NCOR2: variants seen among roughly 807,000 people sequenced by gnomAD.
NCOR2 encodes CTG repeat protein 26.
Under a neutral mutation model 262.9 loss-of-function variants are expected in NCOR2, and 81 were observed. The ratio of observed to expected loss-of-function variants is 0.31; its 90% CI spans 0.26 to 0.37. NCOR2 has a LOEUF of 0.37. NCOR2 is among the 10% of genes least tolerant of loss of function. The pLI, the probability that NCOR2 is intolerant of heterozygous loss-of-function variation, is 1.00. For missense variants in NCOR2, 3,385 were observed against 3,621.4 expected, an observed-to-expected ratio of 0.93 and a Z score of 1.68; for synonymous variants, 1,659 against 1,559.3, an observed-to-expected ratio of 1.06 and a Z score of -1.51.
At chr12:124,499,003 C>T (rs1471729752), upstream of NCOR2, among the ~76,000 whole-genome samples, 1 of 152,202 alleles carries the variant, frequency 6.6e-6, no homozygotes, top group East Asian at 1.9e-4. Flanking sequence ...ATGAGGCCTG[C>T]TAATGGTTAC....
intron 1 of NCOR2, among the ~76,000 whole-genome samples, chr12:124,489,877 C>T (rs966546007): frequency 6.6e-6 from 1 of 152,028 alleles, no homozygotes; most frequent in Non-Finnish European, 1.5e-5. Context: ...AGTTCCTTTG[C>T]GGGAGAGGAG....
chr12:124,482,413 G>A lies in NCOR2; in HGVS notation c.411+1183C>T, dbSNP rs1191755543. 1.2e-4 allele frequency among the ~76,000 whole-genome samples: 18 copies of A among 152,154 alleles called. No individual in the cohort carries two copies. Among genetic ancestry groups the A allele is most frequent in the East Asian group, 1.9e-4 (1 of 5,178 alleles). On this transcript the variant is annotated intron_variant, in intron 3 of 46. Coordinates refer to ENST00000405201, the Ensembl canonical transcript of NCOR2. This position sits in a 1 kb window ranked among gnomAD's most constrained non-coding sequence, Gnocchi z 6.3. ...ACCCCAGGGATATCCCAGGTTCCAC[G>A]CAGGTATCCTCTCTCCCCGAGAGAA...
At chr12:124,336,825 C>G (rs768787527) in exon 38 of NCOR2, 1 of 1,613,038 alleles carries the variant, frequency 6.2e-7, no homozygotes, top group Non-Finnish European at 8.5e-7. Context: ...GGGTCCGAGG[C>G]CGAGGCAGGT....
intron 1 of NCOR2, chr12:124,529,915 T>C (rs1315017297): frequency 6.6e-6 from 1 of 152,070 alleles, no homozygotes; most frequent in African/African-American, 2.4e-5. Context: ...TGGTTTCTTA[T>C]AAACTAAAAT....
At chr12:124,459,911 A>G (rs947777661) in intron 5 of NCOR2, among the ~76,000 whole-genome samples, 2 of 152,090 alleles carry the variant, frequency 1.3e-5, no homozygotes, top group African/African-American at 2.4e-5. Flanking sequence ...ACTGAAAGCC[A>G]CTACTGCCTC....
chr12:124,529,494 A>AAT (rs2050674209), intron 1 of NCOR2, among the ~76,000 whole-genome samples: 3 of 152,186 alleles, frequency 2.0e-5, no homozygotes, highest in South Asian at 4.1e-4. Context: ...AAAAATAAAA[A>AAT]AATAAATAAC....
chr12:124,420,027 T>G, exon 13 of NCOR2: 3 of 1,613,448 alleles, frequency 1.9e-6, no homozygotes, highest in Non-Finnish European at 2.5e-6. Flanking sequence ...CTTAGTCAGG[T>G]AGTAATAGAG....
intron 1 of NCOR2, among the ~76,000 whole-genome samples, chr12:124,544,111 G>T (rs1054558494): frequency 6.6e-6 from 1 of 152,154 alleles, no homozygotes; most frequent in South Asian, 2.1e-4. Flanking sequence ...GAGCCCCAGC[G>T]GGGAGGGAGA....
intron 1 of NCOR2, among the ~76,000 whole-genome samples, chr12:124,510,570 G>A (rs751154046): frequency 6.6e-6 from 1 of 152,242 alleles, no homozygotes; most frequent in Admixed American, 6.5e-5. Context: ...GCACAGCCTG[G>A]ATGCAAACCC....
chr12:124,507,111 C>T (rs76464139), intron 1 of NCOR2, among the ~76,000 whole-genome samples: 1,895 of 152,310 alleles, frequency 0.012, 39 homozygotes, highest in African/African-American at 0.043. Flanking sequence ...AGGACAAACA[C>T]TGTGCGATTC....
At chr12:124,387,563 G>A (rs1234865271) in intron 16 of NCOR2, among the ~76,000 whole-genome samples, 1 of 152,182 alleles carries the variant, frequency 6.6e-6, no homozygotes, top group Non-Finnish European at 1.5e-5. Flanking sequence ...TGGCGTGGGG[G>A]TGGCACTGAC....
chr12:124,382,753 T>C (rs1460646677), intron 17 of NCOR2, among the ~76,000 whole-genome samples: 1 of 152,240 alleles, frequency 6.6e-6, no homozygotes, highest in African/African-American at 2.4e-5. Context: ...AGGCGCTGAA[T>C]ATGGGGCTGC....
At chr12:124,400,744 T>A (rs2293513) in intron 14 of NCOR2, 71 bp from the exon 17 acceptor site, 1 of 1,560,900 alleles carries the variant, frequency 6.4e-7, no homozygotes, top group Non-Finnish European at 8.8e-7. Flanking sequence ...TGGAGGAGAC[T>A]GTTTCTTTAG....
intron 1 of NCOR2, among the ~76,000 whole-genome samples, chr12:124,560,958 G>C (rs2052048956): frequency 6.6e-6 from 1 of 152,208 alleles, no homozygotes; most frequent in Non-Finnish European, 1.5e-5. Flanking sequence ...AGAAGTCCAT[G>C]ATGTATTAAG....
chr12:124,349,209 G>A lies in NCOR2; in HGVS notation c.3845-895C>T, dbSNP rs545080095. 5.8e-4 allele frequency among the ~76,000 whole-genome samples: 88 copies of A among 152,324 alleles called. 2 individuals carry two copies. Among genetic ancestry groups the A allele is most frequent in the Non-Finnish European group, 3.4e-4 (23 of 68,014 alleles). ...CCCCGGACAGGCAGAGAGGTGAACA[G>A]ACGGAGGTGGCCCCCGAAGGTAAAG... On this transcript the variant is annotated intron_variant, in intron 28 of 46. Transcript: ENST00000405201.
At chr12:124,540,140 A>AC (rs1486751840), upstream of NCOR2, among the ~76,000 whole-genome samples, 8 of 147,122 alleles carry the variant, frequency 5.4e-5, no homozygotes, top group Non-Finnish European at 1.1e-4. Flanking sequence ...CCTCCGGTAC[A>AC]CCCATAAGTG....
chr12:124,443,991 C>T lies in NCOR2; in HGVS notation c.815+5824G>A, dbSNP rs1285416370. Among the ~76,000 whole-genome samples the T allele has an allele frequency of 6.6e-6, 1 of 152,200 alleles. No homozygotes were observed. Among genetic ancestry groups the T allele is most frequent in the African/African-American group, 2.4e-5 (1 of 41,454 alleles). On this transcript the variant is annotated intron_variant, in intron 7 of 46. Transcript: ENST00000405201. The surrounding 1 kb of genome is among the most constrained non-coding windows in gnomAD (Gnocchi z 4.4). ...CCAGCTCCCCGTTCCTCAGCCCCTA[C>T]TACTCCCTATTGCCTCACACCAGCC... is the stretch of plus-strand genomic sequence containing the variant.
chr12:124,355,135 GC>G (rs2135917968), intron 24 of NCOR2, 196 bp from the exon 27 acceptor site: 1 of 617,746 alleles, frequency 1.6e-6, no homozygotes, highest in Non-Finnish European at 2.8e-6. Flanking sequence ...TGCCCTCTGA[GC>G]CCCTTGCATT....
intron 22 of NCOR2, among the ~76,000 whole-genome samples, chr12:124,360,181 A>G (rs2038430067): frequency 6.6e-6 from 1 of 152,168 alleles, no homozygotes; most frequent in African/African-American, 2.4e-5. Flanking sequence ...ATGGATACAC[A>G]GCTCCTTCCC....
Sources: allele counts gnomAD v4.1 joint callset (sites outside exome capture counted in the v4.1 genomes callset), GRCh38; gene constraint gnomAD v4.1.1; non-coding constraint Gnocchi (gnomAD v3.1); transcripts MANE v1.5; gene names NCBI Gene and HGNC (gene_info 2026-07-23, HGNC 2026-07-21).